The following ARHGAP6 variants were observed in gnomAD, a reference collection of about 807,000 sequenced individuals.
ARHGAP6 encodes Rho GTPase activating protein 6.
Under a neutral mutation model 55.7 loss-of-function variants are expected in ARHGAP6, and 16 were observed. The observed-to-expected ratio is 0.29, with a 90% confidence interval of 0.19 to 0.44. The LOEUF (loss-of-function observed/expected upper bound fraction) is 0.44. ARHGAP6 is among the 20% of genes least tolerant of loss of function. The probability of loss-of-function intolerance (pLI) is 1.00; values close to 1 mark genes in which losing one functional copy is unlikely to be tolerated. For synonymous variants in ARHGAP6, 382 were observed against 360.9 expected, an observed-to-expected ratio of 1.06 and a Z score of -0.66; for missense variants, 698 against 808.9, an observed-to-expected ratio of 0.86 and a Z score of 1.66.
intron 1 of ARHGAP6, among the ~76,000 whole-genome samples, chrX:11,580,912 GT>G (rs929650748): frequency 2.7e-5 from 3 of 112,004 alleles, no homozygotes; most frequent in African/African-American, 9.7e-5. Flanking sequence ...TTCAAGTAGG[GT>G]CCATGGACTA....
At chrX:11,280,033 C>A (rs1217813373) in intron 1 of ARHGAP6, among the ~76,000 whole-genome samples, 2 of 111,163 alleles carry the variant, frequency 1.8e-5, no homozygotes, top group Non-Finnish European at 3.8e-5. Context: ...GAGGAAAGTG[C>A]CAGTTGTGAT....
chrX:11,630,643 G>GGACA (rs891342762), intron 1 of ARHGAP6, among the ~76,000 whole-genome samples: 19 of 110,770 alleles, frequency 1.7e-4, no homozygotes, highest in African/African-American at 6.2e-4. Context: ...ATGGATGGAT[G>GGACA]GACAGACAGA....
At chrX:11,354,782 C>A (rs973643775) in intron 1 of ARHGAP6, among the ~76,000 whole-genome samples, 10 of 111,200 alleles carry the variant, frequency 9.0e-5, no homozygotes, top group Non-Finnish European at 1.9e-4. Flanking sequence ...ACAAAGTAGG[C>A]AAATCTACCA....
intron 1 of ARHGAP6, among the ~76,000 whole-genome samples, chrX:11,295,301 AG>A (rs1220314638): frequency 9.0e-6 from 1 of 111,061 alleles, no homozygotes; most frequent in South Asian, 3.8e-4. Flanking sequence ...CTTACCCCTC[AG>A]GGGGTAAGAT....
At chrX:11,264,752 G>A (rs1217777301) in intron 1 of ARHGAP6, among the ~76,000 whole-genome samples, 1 of 111,679 alleles carries the variant, frequency 9.0e-6, no homozygotes, top group Non-Finnish European at 1.9e-5. Context: ...AACGACCTCC[G>A]GAGATAGATT....
chrX:11,156,723 A>G, intron 9 of ARHGAP6, 97 bp from the exon 10 acceptor site: 1 of 632,972 alleles, frequency 1.6e-6, no homozygotes, highest in Non-Finnish European at 2.5e-6. Flanking sequence ...ACAGAGCCCT[A>G]AAAGCTGCAA....
chrX:11,497,698 A>T (rs1316863823), intron 1 of ARHGAP6, among the ~76,000 whole-genome samples: 2 of 109,916 alleles, frequency 1.8e-5, no homozygotes, highest in African/African-American at 6.6e-5. Flanking sequence ...CAGTCTCCAG[A>T]ACTATGAGAA....
chrX:11,589,244 C>CT (rs2051774993), intron 1 of ARHGAP6, among the ~76,000 whole-genome samples: 1 of 107,301 alleles, frequency 9.3e-6, no homozygotes, highest in Non-Finnish European at 1.9e-5. Context: ...GTTTCACCAT[C>CT]TTGGCCAGGC....
intron 8 of ARHGAP6, among the ~76,000 whole-genome samples, chrX:11,174,876 A>C (rs1163781704): frequency 9.4e-6 from 1 of 106,868 alleles, no homozygotes; most frequent in Non-Finnish European, 1.9e-5. Context: ...TTTTTTTAGT[A>C]GAGACAGGGT....
chrX:11,470,675 G>A (rs1013148173), intron 1 of ARHGAP6, among the ~76,000 whole-genome samples: 3 of 112,277 alleles, frequency 2.7e-5, no homozygotes, highest in African/African-American at 9.7e-5. Context: ...GCTTGGTCGT[G>A]CAGGACACTT....
chrX:11,448,000 T>C (rs2050109191), intron 1 of ARHGAP6, among the ~76,000 whole-genome samples: 1 of 112,384 alleles, frequency 8.9e-6, no homozygotes, highest in African/African-American at 3.2e-5. Flanking sequence ...GCCTTTATGT[T>C]AAGGAAGTTG....
At chrX:11,568,090 A>AC (rs2051466991) in intron 1 of ARHGAP6, among the ~76,000 whole-genome samples, 1 of 111,654 alleles carries the variant, frequency 9.0e-6, no homozygotes, top group Admixed American at 9.5e-5. Context: ...TGCATAGAGT[A>AC]AATGCTAAGG....
intron 2 of ARHGAP6, among the ~76,000 whole-genome samples, chrX:11,233,909 G>A (rs2047164843): frequency 8.9e-6 from 1 of 112,423 alleles, no homozygotes; most frequent in Non-Finnish European, 1.9e-5. Flanking sequence ...GGTAACTGAA[G>A]TTCTGAATGT....
At chrX:11,434,801 A>G (rs1165429994) in intron 1 of ARHGAP6, among the ~76,000 whole-genome samples, 2 of 111,750 alleles carry the variant, frequency 1.8e-5, no homozygotes, top group Non-Finnish European at 3.8e-5. Context: ...AGTCACTTAA[A>G]CTGTCTGTAT....
chrX:11,152,391 A>G (rs761790623), intron 10 of ARHGAP6, among the ~76,000 whole-genome samples: 6 of 111,880 alleles, frequency 5.4e-5, no homozygotes, highest in Admixed American at 9.5e-5. Flanking sequence ...ACTGTAATTT[A>G]CTATAATTTA....
intron 1 of ARHGAP6, among the ~76,000 whole-genome samples, chrX:11,637,317 T>C (rs1009526730): frequency 1.1e-4 from 12 of 111,458 alleles, no homozygotes; most frequent in African/African-American, 3.9e-4. Flanking sequence ...GCCAAGTTGA[T>C]GTTCAGGGCA....
chrX:11,562,217 G>A (rs2051392079), intron 1 of ARHGAP6, among the ~76,000 whole-genome samples: 1 of 112,095 alleles, frequency 8.9e-6, no homozygotes. Context: ...AAAGGTGTGT[G>A]TGTAATTCTT....
chrX:11,390,534 A>G (rs1196006005), intron 1 of ARHGAP6, among the ~76,000 whole-genome samples: 2 of 111,040 alleles, frequency 1.8e-5, no homozygotes, highest in Non-Finnish European at 3.8e-5. Context: ...GCAACCTACA[A>G]AATGGGAGAA....
chrX:11,289,941 T>C (rs2147551116), intron 1 of ARHGAP6, among the ~76,000 whole-genome samples: 1 of 112,247 alleles, frequency 8.9e-6, no homozygotes, highest in East Asian at 2.8e-4. Flanking sequence ...GCCGAGACTG[T>C]ACCACTTCAC....
Sources: gnomAD v4.1 joint callset for allele counts (sites outside exome capture counted in the v4.1 genomes callset) on GRCh38, gnomAD v4.1.1 for gene constraint, MANE v1.5 for transcripts, NCBI Gene and HGNC (gene_info 2026-07-23, HGNC 2026-07-21) for gene names.